Variants in NUP37 observed in about 807,000 individuals in gnomAD.
The protein encoded by NUP37 is nucleoporin 37, also known as nucleoporin Nup37.
NUP37 carries 33 observed loss-of-function variants against 45.4 expected under a neutral mutation model. The ratio of observed to expected loss-of-function variants is 0.73; its 90% CI spans 0.55 to 0.97. The LOEUF is 0.97. NUP37 is among the 50% of genes least tolerant of loss of function. NUP37 has a pLI of 0.00. For missense variants in NUP37, 365 were observed against 389.7 expected, an observed-to-expected ratio of 0.94 and a Z score of 0.53; for synonymous variants, 127 against 130.7, an observed-to-expected ratio of 0.97 and a Z score of 0.19.
intron 5 of NUP37, among the ~76,000 whole-genome samples, chr12:102,091,903 C>T (rs1457916320): frequency 6.6e-6 from 1 of 151,648 alleles, no homozygotes; most frequent in East Asian, 1.9e-4. Context: ...ATGATTATTG[C>T]TTCATTTCAG....
intron 6 of NUP37, among the ~76,000 whole-genome samples, chr12:102,080,009 A>G (rs2136714105): frequency 6.6e-6 from 1 of 152,322 alleles, no homozygotes; most frequent in South Asian, 2.1e-4. Flanking sequence ...CAAAAATACA[A>G]AATCTGTGAA....
intron 5 of NUP37, among the ~76,000 whole-genome samples, chr12:102,086,554 C>T (rs561600076): frequency 6.6e-6 from 1 of 152,320 alleles, no homozygotes; most frequent in Non-Finnish European, 1.5e-5. Flanking sequence ...TAACAAGGAC[C>T]AGGTTACTCA....
chr12:102,075,467 C>A (rs909227800), intron 8 of NUP37, among the ~76,000 whole-genome samples: 1 of 152,128 alleles, frequency 6.6e-6, no homozygotes, highest in Non-Finnish European at 1.5e-5. Context: ...TAGGTATGAG[C>A]CATAGCACCT....
chr12:102,093,855 T>G (rs1255991234), intron 5 of NUP37, among the ~76,000 whole-genome samples: 1 of 152,110 alleles, frequency 6.6e-6, no homozygotes, highest in Admixed American at 6.5e-5. Flanking sequence ...TAAATTACTG[T>G]AGTCACTGAT....
At position 102,075,089 on chromosome 12, in the gene NUP37, G is replaced by T. The variant is rs759583886; in HGVS notation, c.779C>A (p.Ser260Tyr). The change falls in exon 9 of 10, where the codon TCC (serine) becomes TAC (tyrosine). Residue 260 changes from serine (S) to tyrosine (Y), a missense_variant. By Grantham distance (144) the Ser-to-Tyr change is moderately radical (BLOSUM62 -2). Transcript: ENST00000552283. The stretch of plus-strand genomic sequence containing the variant: ...TGCAAACAGATTTTCACTAATTGTG[G>T]ACCACCTAAGAAATAAGGAAGCGTA... The part of the protein sequence containing the change: ...HMDRACLFRW[S>Y]TISENLFATT... The T allele has an allele frequency of 6.2e-7, 1 of 1,603,066 alleles. No individual in the cohort carries two copies. The highest frequency in any genetic ancestry group is 8.5e-7 in the Non-Finnish European group (1 of 1,172,370).
chr12:102,088,251 C>T (rs924289168), intron 5 of NUP37, among the ~76,000 whole-genome samples: 5 of 152,114 alleles, frequency 3.3e-5, no homozygotes, highest in African/African-American at 9.7e-5. Flanking sequence ...CTTCTCAAAT[C>T]CTTTTATGGA....
At chr12:102,101,882 A>C (rs907456299) in intron 3 of NUP37, among the ~76,000 whole-genome samples, 14 of 151,636 alleles carry the variant, frequency 9.2e-5, no homozygotes, top group Non-Finnish European at 1.6e-4. Context: ...CCACCACCAC[A>C]CGTGGCTAAT....
intron 5 of NUP37, among the ~76,000 whole-genome samples, chr12:102,096,157 T>C (rs1020080765): frequency 6.6e-6 from 1 of 152,132 alleles, no homozygotes; most frequent in Non-Finnish European, 1.5e-5. Flanking sequence ...GGCTACATTT[T>C]CTGTGAGTTT....
intron 2 of NUP37, among the ~76,000 whole-genome samples, chr12:102,116,957 G>A (rs1044422529): frequency 2.6e-5 from 4 of 152,232 alleles, no homozygotes; most frequent in Middle Eastern, 3.4e-3. Flanking sequence ...AGCAGAGATC[G>A]CACCACTGCA....
rs1174197095 is a variant in NUP37, at chr12:102,074,267, AAAATTCTTCAAAATATGTACTATAG to A, written c.*62_*86del. The stretch of plus-strand genomic sequence containing the variant: ...TAAAGTATACGGTATATTTGATATA[AAAATTCTTCAAAATATGTACTATAG>A]AAATTCTTCAAAATATGTACTAAAA... On this transcript the variant is annotated 3_prime_UTR_variant, in exon 10 of 10. Coordinates refer to ENST00000552283, the MANE Select transcript of NUP37 (RefSeq NM_024057.4). 8.4e-6 allele frequency: 6 copies of A among 717,012 alleles called. No individual in the cohort carries two copies. The highest frequency in any genetic ancestry group is 5.5e-5 in the East Asian group (2 of 36,122). The allele number at this position is 717,012 out of a possible 1,614,324, so 44.4% of individuals were successfully genotyped here. A position where few individuals can be genotyped will look rare whatever the true frequency, so the allele number is the denominator to read the frequency against.
chr12:102,074,445 G>C lies in NUP37; in HGVS notation c.890C>G (p.Ala297Gly). Residue 297 changes from alanine (A) to glycine (G), a missense_variant, in exon 10 of 10, where the codon GCC becomes GGC. Physicochemically the swap from Ala to Gly is moderately conservative, Grantham distance 60. Transcript: ENST00000552283. ...ATGCCAGGACAGTCCAGATCCAACGGCTACAGAACCCATGAGGATGGGCTA... is the reference window on the plus strand; with the variant it reads ...ATGCCAGGACAGTCCAGATCCAACGCCTACAGAACCCATGAGGATGGGCTA... ...HPQPILMGSV[A>G]VGSGLSWHRT... 6.2e-7 allele frequency: 1 copy of C among 1,608,136 alleles called. No individual in the cohort carries two copies. The highest frequency in any genetic ancestry group is 8.5e-7 in the Non-Finnish European group (1 of 1,176,474).
chr12:102,092,101 G>C (rs1469954412), intron 5 of NUP37, among the ~76,000 whole-genome samples: 1 of 152,140 alleles, frequency 6.6e-6, no homozygotes, highest in Non-Finnish European at 1.5e-5. Flanking sequence ...GATTCAACAG[G>C]AATATTCTGT....
At position 102,112,614 on chromosome 12, in the gene NUP37, C is replaced by G. The variant is rs138413267; in HGVS notation, c.157-382G>C. ...GAGTCTGAGACCAGACTGGGCAACA[C>G]AGTGAGACCTGTGTCTACGTTATAA... On this transcript the variant is annotated intron_variant, in intron 2 of 9. Transcript: ENST00000552283. Among the ~76,000 whole-genome samples, 347 of 152,086 alleles carry G rather than the reference C, an allele frequency of 2.3e-3. 1 individual carries two copies. Among genetic ancestry groups the G allele is most frequent in the Non-Finnish European group, 4.3e-3 (291 of 67,988 alleles).
intron 2 of NUP37, among the ~76,000 whole-genome samples, chr12:102,118,085 T>C (rs1428093075): frequency 6.6e-6 from 1 of 152,198 alleles, no homozygotes; most frequent in Non-Finnish European, 1.5e-5. Context: ...TTCCTGTACA[T>C]ACCAATGTTC....
At position 102,075,016 on chromosome 12, in the gene NUP37, A is replaced by G; in HGVS notation, c.852T>C (p.His284=). ...GKMASQFQIH[H]LGHPQPILMG... The stretch of plus-strand genomic sequence containing the variant: ...TCCACATTACCTGAGGGTGTCCTAA[A>G]TGATGAATTTGAAACTGGCTTGCCA... The change falls in exon 9 of 10, where the codon CAT becomes CAC. Residue 284 remains histidine (H), a synonymous_variant. Coordinates refer to ENST00000552283, the MANE Select transcript of NUP37 (RefSeq NM_024057.4). 6.2e-7 allele frequency: 1 copy of G among 1,609,474 alleles called. No individual in the cohort carries two copies. Among genetic ancestry groups the G allele is most frequent in the Non-Finnish European group, 8.5e-7 (1 of 1,177,272 alleles).
At chr12:102,112,971 G>A (rs1194351357) in intron 2 of NUP37, among the ~76,000 whole-genome samples, 1 of 152,110 alleles carries the variant, frequency 6.6e-6, no homozygotes, top group Non-Finnish European at 1.5e-5. Context: ...GCTTAATAAA[G>A]TTGGCTTATT....
At chr12:102,116,549 G>A (rs1188021856) in intron 2 of NUP37, among the ~76,000 whole-genome samples, 2 of 152,120 alleles carry the variant, frequency 1.3e-5, no homozygotes, top group Non-Finnish European at 2.9e-5. Context: ...CAGACAGTAC[G>A]AAATAGGCTA....
Position 102,077,326 on chromosome 12 carries a change from A to C in NUP37, c.718T>G (p.Ser240Ala), listed in dbSNP as rs1216336591. ...NDWLIWDITR[S>A]SYPQNKRPVH... ...ACAAACATATCAAGAAAGTACCTGG[A>C]CCGAGTAATATCCCAAATTAACCAA... The change falls in exon 7 of 10, where the codon TCC becomes GCC. Residue 240 changes from serine (S) to alanine (A), a missense_variant. By Grantham distance (99) the Ser-to-Ala change is moderately conservative. Transcript: ENST00000552283. The C allele has an allele frequency of 3.7e-6, 6 of 1,613,954 alleles. No homozygotes were observed. In the African/African-American group the frequency reaches 8.0e-5, roughly 22 times the overall value.
chr12:102,114,444 G>C (rs117189026), intron 2 of NUP37, among the ~76,000 whole-genome samples: 1 of 151,804 alleles, frequency 6.6e-6, no homozygotes, highest in African/African-American at 2.4e-5. Context: ...TAAAAGGCCC[G>C]TGTGTGTGTG....
Sources: gnomAD v4.1 joint callset for allele counts (sites outside exome capture counted in the v4.1 genomes callset) on GRCh38, gnomAD v4.1.1 for gene constraint, MANE v1.5 for transcripts, NCBI Gene and HGNC (gene_info 2026-07-23, HGNC 2026-07-21) for gene names.